CHLSN: variants seen among roughly 807,000 people sequenced by gnomAD.
CHLSN encodes cholesin, also known as protein cholesin.
chr7:1,050,450 G>A, the CHLSN span, among the ~76,000 whole-genome samples: 5 of 152,352 alleles, frequency 3.3e-5, no homozygotes, highest in African/African-American at 1.2e-4. Flanking sequence ...CTGTCCCATC[G>A]GTCCCTGTGG....
the CHLSN span, among the ~76,000 whole-genome samples, chr7:1,001,630 CGGGTGGGGAGTCCTGT>C: frequency 4.8e-5 from 1 of 20,848 alleles, no homozygotes; most frequent in Non-Finnish European, 8.9e-5. Flanking sequence ...GGGAGTCCTG[CGGGTGGGGAGTCCTGT>C]GGGTGAGTGG....
the CHLSN span, chr7:1,093,170 T>A: frequency 1.8e-6 from 1 of 567,024 alleles, no homozygotes. Context: ...TGCACCTGCC[T>A]GCCGCTGCAG....
chr7:1,022,340 G>A, the CHLSN span, among the ~76,000 whole-genome samples: 1 of 152,178 alleles, frequency 6.6e-6, no homozygotes, highest in Non-Finnish European at 1.5e-5. Context: ...CTGGTCCCAC[G>A]TCCCACAGCC....
chr7:1,037,260 GA>G, the CHLSN span, among the ~76,000 whole-genome samples: 1 of 138,544 alleles, frequency 7.2e-6, no homozygotes, highest in African/African-American at 2.6e-5. Context: ...AATAAGGCAA[GA>G]AAAAGAAATG....
chr7:990,615 T>G, the CHLSN span, among the ~76,000 whole-genome samples: 1 of 151,488 alleles, frequency 6.6e-6, no homozygotes, highest in African/African-American at 2.4e-5. Flanking sequence ...CCCTAAGTCA[T>G]GGGTGGGGCT....
chr7:1,024,301 G>A, the CHLSN span, among the ~76,000 whole-genome samples: 1 of 152,184 alleles, frequency 6.6e-6, no homozygotes, highest in South Asian at 2.1e-4. Context: ...GCCCTTGCCA[G>A]AGACGTGGGA....
At chr7:1,028,897 C>A in the CHLSN span, 1 of 797,466 alleles carries the variant, frequency 1.3e-6, no homozygotes, top group Non-Finnish European at 1.5e-6. Flanking sequence ...AGTCTGACTC[C>A]ATGTCCCCCC....
chr7:1,102,492 C>T, the CHLSN span, among the ~76,000 whole-genome samples: 2 of 152,264 alleles, frequency 1.3e-5, no homozygotes, highest in East Asian at 3.8e-4. Flanking sequence ...GTCACTGTCA[C>T]TTCCACAGGG....
chr7:1,111,089 A>C, the CHLSN span, among the ~76,000 whole-genome samples: 1 of 148,092 alleles, frequency 6.8e-6, no homozygotes, highest in Non-Finnish European at 1.5e-5. Flanking sequence ...AGAAAAAAGC[A>C]AAAAAAACAA....
chr7:1,022,379 T>G, the CHLSN span, among the ~76,000 whole-genome samples: 1 of 152,234 alleles, frequency 6.6e-6, no homozygotes, highest in South Asian at 2.1e-4. Context: ...ACGGATTCTG[T>G]TCCAATTTAA....
the CHLSN span, among the ~76,000 whole-genome samples, chr7:1,117,617 C>T: frequency 1.5e-4 from 21 of 138,412 alleles, no homozygotes; most frequent in East Asian, 1.3e-3. Flanking sequence ...CCGACGCTCA[C>T]GCAGGATGAT....
chr7:1,136,041 TATATAAGTATATATAAATATATATAA>T, the CHLSN span, among the ~76,000 whole-genome samples: 43 of 116,250 alleles, frequency 3.7e-4, no homozygotes, highest in African/African-American at 1.5e-3. Context: ...TATGTATAAA[TATATAAGTATATATAAATATATATAA>T]ATATAAGTAT....
the CHLSN span, chr7:1,058,041 C>T: frequency 3.5e-5 from 27 of 768,808 alleles, no homozygotes; most frequent in Non-Finnish European, 5.5e-5. Flanking sequence ...CACCCGCGCG[C>T]TAGAGTGCGC....
At chr7:993,792 C>T in the CHLSN span, among the ~76,000 whole-genome samples, 66 of 152,234 alleles carry the variant, frequency 4.3e-4, 1 homozygote, top group South Asian at 2.3e-3. Context: ...AGATGCCACT[C>T]TCTTGGGGGC....
the CHLSN span, among the ~76,000 whole-genome samples, chr7:1,133,069 G>A: frequency 5.7e-3 from 868 of 152,260 alleles, 10 homozygotes; most frequent in Middle Eastern, 0.014. Context: ...GAAACAAGAC[G>A]TGGCGTATTC....
At chr7:1,041,947 C>T in the CHLSN span, among the ~76,000 whole-genome samples, 1 of 152,216 alleles carries the variant, frequency 6.6e-6, no homozygotes, top group Non-Finnish European at 1.5e-5. Flanking sequence ...TGCCGACCCG[C>T]CTGAATGCGG....
the CHLSN span, among the ~76,000 whole-genome samples, chr7:1,077,257 A>G: frequency 6.4e-3 from 978 of 152,194 alleles, 14 homozygotes; most frequent in African/African-American, 0.022. Flanking sequence ...CCGGGTTCAC[A>G]CCATTCTCCT....
the CHLSN span, among the ~76,000 whole-genome samples, chr7:1,125,178 C>A: frequency 1.3e-5 from 2 of 152,238 alleles, no homozygotes; most frequent in Non-Finnish European, 2.9e-5. Flanking sequence ...GTGAGCTGGG[C>A]CACACCCAGC....
the CHLSN span, chr7:1,028,212 T>A: frequency 2.9e-6 from 3 of 1,034,250 alleles, no homozygotes; most frequent in African/African-American, 1.7e-5. Context: ...GCCCCTCCCA[T>A]CCCCTCCCTG....
Sources: gnomAD v4.1 joint callset for allele counts (sites outside exome capture counted in the v4.1 genomes callset) on GRCh38, gnomAD v4.1.1 for gene constraint, MANE v1.5 for transcripts, NCBI Gene and HGNC (gene_info 2026-07-23, HGNC 2026-07-21) for gene names.